The following ADGRL2 variants were observed in gnomAD, a reference collection of about 807,000 sequenced individuals.
The protein encoded by ADGRL2 is calcium-independent alpha-latrotoxin receptor 2.
Under a neutral mutation model 157.4 loss-of-function variants are expected in ADGRL2, and 44 were observed. That is an observed-to-expected ratio of 0.28 (90% CI 0.22 to 0.36). The LOEUF is 0.36. Ranked by LOEUF, ADGRL2 falls within the 10% of genes least tolerant of loss-of-function variation. The pLI is 1.00. For synonymous variants in ADGRL2, 585 were observed against 624.7 expected (o/e 0.94, Z 0.95); for missense variants, 1,510 against 1,768.9 (o/e 0.85, Z 2.63).
chr1:81,332,532 A>G (rs1661344619), intron 1 of ADGRL2, among the ~76,000 whole-genome samples: 2 of 152,192 alleles, frequency 1.3e-5, no homozygotes, highest in Non-Finnish European at 2.9e-5. Context: ...TGGAAACATT[A>G]AATTCAAACC....
intron 2 of ADGRL2, among the ~76,000 whole-genome samples, chr1:81,763,562 C>T (rs2085978597): frequency 7.1e-6 from 1 of 140,656 alleles, no homozygotes; most frequent in African/African-American, 2.7e-5. Context: ...GCACTCCGGT[C>T]TCGGTGACAG....
At chr1:81,972,789 G>A (rs577129407) in intron 17 of ADGRL2, among the ~76,000 whole-genome samples, 32 of 151,780 alleles carry the variant, frequency 2.1e-4, no homozygotes, top group Non-Finnish European at 4.1e-4. Flanking sequence ...GCACATTCCT[G>A]TAGTCCCAGA....
At chr1:81,667,657 A>G (rs954853322) in intron 3 of ADGRL2, among the ~76,000 whole-genome samples, 4 of 152,174 alleles carry the variant, frequency 2.6e-5, no homozygotes, top group Non-Finnish European at 4.4e-5. Context: ...AAATTAAAAT[A>G]TGTTTTTGCA....
chr1:81,540,395 A>G (rs574755410), intron 2 of ADGRL2, among the ~76,000 whole-genome samples: 1 of 152,374 alleles, frequency 6.6e-6, no homozygotes, highest in African/African-American at 2.4e-5. Context: ...TAGACACTAC[A>G]GATAAAATGC....
chr1:81,507,706 C>A (rs1557743867), intron 2 of ADGRL2, among the ~76,000 whole-genome samples: 2 of 152,154 alleles, frequency 1.3e-5, no homozygotes, highest in South Asian at 2.1e-4. Flanking sequence ...TGATTCAATT[C>A]TTGATTTCAT....
At chr1:81,480,461 G>A (rs949862857) in intron 2 of ADGRL2, among the ~76,000 whole-genome samples, 3 of 152,074 alleles carry the variant, frequency 2.0e-5, no homozygotes, top group Admixed American at 6.6e-5. Flanking sequence ...TTGACAGTTC[G>A]TCCTGAAGCA....
chr1:81,979,827 C>T, intron 17 of ADGRL2, 42 bp from the exon 18 acceptor site: 3 of 1,108,596 alleles, frequency 2.7e-6, no homozygotes, highest in Non-Finnish European at 4.1e-6. Context: ...CATTTTTCAG[C>T]TCTTTGTTCA....
At chr1:81,822,364 GA>G (rs1020391246) in intron 1 of ADGRL2, among the ~76,000 whole-genome samples, 23 of 151,268 alleles carry the variant, frequency 1.5e-4, no homozygotes, top group East Asian at 7.8e-4. Flanking sequence ...AGTTGTGCAA[GA>G]AAAAAATCTT....
chr1:81,710,229 G>C (rs917149065), intron 1 of ADGRL2, among the ~76,000 whole-genome samples: 1 of 152,092 alleles, frequency 6.6e-6, no homozygotes, highest in Non-Finnish European at 1.5e-5. Flanking sequence ...CGAGTCTCAG[G>C]TACTCTGGAC....
intron 1 of ADGRL2, among the ~76,000 whole-genome samples, chr1:81,356,971 A>AAAAAAAAAT (rs80327519): frequency 1.0e-5 from 1 of 99,402 alleles, no homozygotes; most frequent in Non-Finnish European, 2.0e-5. Context: ...AAAAAAAAAA[A>AAAAAAAAAT]AAGAAGTTGT....
intron 1 of ADGRL2, among the ~76,000 whole-genome samples, chr1:81,735,842 C>T (rs2084879790): frequency 6.6e-6 from 1 of 150,600 alleles, no homozygotes; most frequent in Non-Finnish European, 1.5e-5. Context: ...TAATAAATGT[C>T]AAGCTAAGAG....
At chr1:81,806,758 CCATA>C (rs1203121186) in intron 1 of ADGRL2, among the ~76,000 whole-genome samples, 3 of 151,874 alleles carry the variant, frequency 2.0e-5, no homozygotes, top group Admixed American at 6.6e-5. Context: ...TTTTAACAAT[CCATA>C]CCGCTTGCCC....
rs147033472 is a variant in ADGRL2 at position 81,378,354 on chromosome 1, C to G, written c.-301-66682C>G. Among the ~76,000 whole-genome samples, 366 of 151,808 alleles carry G rather than the reference C, an allele frequency of 2.4e-3. 5 individuals carry two copies. The East Asian group carries it at 0.031, about 13-fold the overall frequency. ...TGGCTTGAGCCCAGGAGTTCGAGAC[C>G]AGCCTAGGCAACATAACTAGACCGT... On this transcript the variant is annotated intron_variant, in intron 1 of 24. Transcript: ENST00000370721.
At chr1:81,432,435 T>C (rs893535556) in intron 1 of ADGRL2, among the ~76,000 whole-genome samples, 17 of 152,230 alleles carry the variant, frequency 1.1e-4, no homozygotes, top group Non-Finnish European at 2.5e-4. Flanking sequence ...CAAAACAGGA[T>C]ATTCTTGTTT....
At chr1:81,939,983 A>G (rs1647290875) in intron 4 of ADGRL2, among the ~76,000 whole-genome samples, 1 of 151,136 alleles carries the variant, frequency 6.6e-6, no homozygotes. Context: ...TATATACAAT[A>G]TATAATTTAT....
chr1:81,907,575 C>T (rs564520448), intron 3 of ADGRL2, among the ~76,000 whole-genome samples: 1 of 151,348 alleles, frequency 6.6e-6, no homozygotes, highest in South Asian at 2.1e-4. Flanking sequence ...GTTGAAGTGC[C>T]TGGGTCTTTG....
At chr1:81,492,214 G>A (rs1002628697) in intron 2 of ADGRL2, among the ~76,000 whole-genome samples, 1 of 152,074 alleles carries the variant, frequency 6.6e-6, no homozygotes, top group Non-Finnish European at 1.5e-5. Context: ...GACCTAATAT[G>A]TAGAAAACGC....
At chr1:81,732,120 A>G (rs1253059759) in intron 1 of ADGRL2, among the ~76,000 whole-genome samples, 1 of 152,182 alleles carries the variant, frequency 6.6e-6, no homozygotes, top group Non-Finnish European at 1.5e-5. Context: ...GTGAGTAGTG[A>G]TCACATATTC....
intron 2 of ADGRL2, chr1:81,501,771 TG>T (rs2078853620): frequency 1.2e-6 from 2 of 1,600,248 alleles, no homozygotes; most frequent in Admixed American, 3.4e-5. Flanking sequence ...GAGGCAAAAA[TG>T]GAGCCACTTC....
Sources: gnomAD v4.1 joint callset for allele counts (sites outside exome capture counted in the v4.1 genomes callset) on GRCh38, gnomAD v4.1.1 for gene constraint, MANE v1.5 for transcripts, NCBI Gene and HGNC (gene_info 2026-07-23, HGNC 2026-07-21) for gene names.